The following MBD5 variants were observed in gnomAD, a reference collection of about 807,000 sequenced individuals.
MBD5 encodes methyl-CpG binding domain protein 5.
Under a neutral mutation model 117.3 loss-of-function variants are expected in MBD5, and 13 were observed. The observed-to-expected ratio is 0.11, with a 90% CI of 0.07 to 0.18. The LOEUF (loss-of-function observed/expected upper bound fraction) is 0.18. MBD5 is among the 10% of genes least tolerant of loss of function. The probability of loss-of-function intolerance (pLI) is 1.00; values close to 1 mark genes in which losing one functional copy is unlikely to be tolerated. For synonymous variants in MBD5, 727 were observed against 766.4 expected, an observed-to-expected ratio of 0.95 and a Z score of 0.85; for missense variants, 1,879 against 2,093.8, an observed-to-expected ratio of 0.90 and a Z score of 2.00.
intron 3 of MBD5, among the ~76,000 whole-genome samples, chr2:148,336,809 T>A (rs1417800460): frequency 6.6e-6 from 1 of 152,196 alleles, no homozygotes; most frequent in Non-Finnish European, 1.5e-5. Flanking sequence ...AGTAACTGCT[T>A]GGCCCTTGGC....
chr2:148,361,123 G>A (rs190080461), intron 4 of MBD5, among the ~76,000 whole-genome samples: 46 of 152,212 alleles, frequency 3.0e-4, no homozygotes, highest in African/African-American at 9.4e-4. Flanking sequence ...CGAGGCAGCC[G>A]GATCACAAGG....
chr2:148,107,366 T>C (rs1197125884), intron 1 of MBD5, among the ~76,000 whole-genome samples: 1 of 152,056 alleles, frequency 6.6e-6, no homozygotes, highest in Admixed American at 6.6e-5. Flanking sequence ...TTCTTTTTTA[T>C]TTATCCCAGT....
chr2:148,234,374 A>G (rs901508929), intron 3 of MBD5, among the ~76,000 whole-genome samples: 2 of 152,176 alleles, frequency 1.3e-5, no homozygotes, highest in Admixed American at 6.5e-5. Context: ...AAATAAAGAC[A>G]ATGATAAATG....
chr2:148,217,717 T>C (rs984555222), intron 2 of MBD5, among the ~76,000 whole-genome samples: 10 of 152,204 alleles, frequency 6.6e-5, no homozygotes, highest in African/African-American at 2.4e-4. Flanking sequence ...GACTGATGCA[T>C]GCCATCCCAT....
chr2:148,279,728 A>G (rs1701197076), intron 3 of MBD5, among the ~76,000 whole-genome samples: 1 of 152,194 alleles, frequency 6.6e-6, no homozygotes, highest in African/African-American at 2.4e-5. Flanking sequence ...TTCTGATAGT[A>G]CTTTTCCTTT....
chr2:148,447,773 C>G (rs1446861762), intron 4 of MBD5: 1 of 152,112 alleles, frequency 6.6e-6, no homozygotes, highest in South Asian at 2.1e-4. Context: ...TATGTGAAAT[C>G]TTTTGATTTA....
chr2:148,422,927 T>C (rs1705652518), intron 4 of MBD5, among the ~76,000 whole-genome samples: 1 of 152,100 alleles, frequency 6.6e-6, no homozygotes, highest in Non-Finnish European at 1.5e-5. Flanking sequence ...AACATGGGAC[T>C]ATGTGCAAAG....
chr2:148,491,671 G>A (rs1188434540), intron 11 of MBD5, among the ~76,000 whole-genome samples: 1 of 151,862 alleles, frequency 6.6e-6, no homozygotes, highest in Non-Finnish European at 1.5e-5. Flanking sequence ...ATATATACTT[G>A]TCAGGATACA....
intron 1 of MBD5, among the ~76,000 whole-genome samples, chr2:148,088,323 A>G (rs576832773): frequency 8.9e-4 from 135 of 152,300 alleles, no homozygotes; most frequent in South Asian, 3.5e-3. Flanking sequence ...TGGCCTCACT[A>G]GAGATCTAGA....
intron 1 of MBD5, among the ~76,000 whole-genome samples, chr2:148,081,134 G>T (rs1163428092): frequency 6.6e-6 from 1 of 152,098 alleles, no homozygotes; most frequent in African/African-American, 2.4e-5. Context: ...AGGGTGCTAG[G>T]CAATCTTCAA....
Position 148,483,429 on chromosome 2 carries a change from A to G in MBD5, c.2838A>G (p.Ala946=). ...TATTAAATATCCTCCAGCCTTCAGCAGGAGAAGGCAAGTCTGAGATCAACC... is the reference window on the plus strand; with the variant it reads ...TATTAAATATCCTCCAGCCTTCAGCGGGAGAAGGCAAGTCTGAGATCAACC... The part of the protein sequence containing the change: ...QNLLNILQPS[A]GEGKSEINLH... The change falls in exon 9 of 14, where the codon GCA becomes GCG. Residue 946 remains alanine (A), a synonymous_variant. Coordinates refer to ENST00000642680, the MANE Select transcript of MBD5 (RefSeq NM_001378120.1). The G allele has an allele frequency of 6.2e-7, 1 of 1,613,988 alleles. No individual in the cohort carries two copies. Among genetic ancestry groups the G allele is most frequent in the Non-Finnish European group, 8.5e-7 (1 of 1,179,818 alleles).
chr2:148,322,015 A>G (rs1206818647), intron 3 of MBD5, among the ~76,000 whole-genome samples: 2 of 152,154 alleles, frequency 1.3e-5, no homozygotes, highest in South Asian at 2.1e-4. Context: ...ACATCTAACA[A>G]TCTGCTTTAT....
intron 1 of MBD5, among the ~76,000 whole-genome samples, chr2:148,084,635 A>T (rs987084679): frequency 6.6e-6 from 1 of 152,264 alleles, no homozygotes; most frequent in African/African-American, 2.4e-5. Flanking sequence ...TGTGAATATC[A>T]TATACTTTTG....
intron 3 of MBD5, among the ~76,000 whole-genome samples, chr2:148,250,161 G>A (rs1700433249): frequency 6.6e-6 from 1 of 152,062 alleles, no homozygotes; most frequent in Non-Finnish European, 1.5e-5. Flanking sequence ...GTCTTTTGTT[G>A]GAACATGGAT....
chr2:148,028,470 A>G (rs952885201), intron 1 of MBD5: 1 of 152,048 alleles, frequency 6.6e-6, no homozygotes, highest in South Asian at 2.1e-4. Flanking sequence ...TGTGTGCTAA[A>G]TTATACTTAG....
At chr2:148,467,943 C>G (rs1056019042) in intron 7 of MBD5, among the ~76,000 whole-genome samples, 1 of 152,098 alleles carries the variant, frequency 6.6e-6, no homozygotes, top group Admixed American at 6.6e-5. Flanking sequence ...CTTAAAAATT[C>G]TAAATCCAAC....
chr2:148,164,394 G>A (rs1243892114), intron 1 of MBD5, among the ~76,000 whole-genome samples: 1 of 152,044 alleles, frequency 6.6e-6, no homozygotes, highest in Admixed American at 6.5e-5. Flanking sequence ...CTTGGTGGGG[G>A]TAGGGTCCAT....
At chr2:148,050,697 C>T (rs1471219376) in intron 1 of MBD5, among the ~76,000 whole-genome samples, 1 of 152,096 alleles carries the variant, frequency 6.6e-6, no homozygotes, top group African/African-American at 2.4e-5. Flanking sequence ...GCACTCCTGT[C>T]AAAAATCTGT....
intron 4 of MBD5, chr2:148,347,008 C>T (rs1470465553): frequency 6.6e-6 from 1 of 151,924 alleles, no homozygotes; most frequent in Non-Finnish European, 1.5e-5. Context: ...TTCATTTATA[C>T]CCCCTGTATT....
Sources: gnomAD v4.1 joint callset for allele counts (sites outside exome capture counted in the v4.1 genomes callset) on GRCh38, gnomAD v4.1.1 for gene constraint, MANE v1.5 for transcripts, NCBI Gene and HGNC (gene_info 2026-07-23, HGNC 2026-07-21) for gene names.